GLIS3: variants seen among roughly 807,000 people sequenced by gnomAD.
GLIS3 encodes GLIS family zinc finger 3.
Under a neutral mutation model 78.6 loss-of-function variants are expected in GLIS3, and 53 were observed. That is an observed-to-expected ratio of 0.67 (90% CI 0.54 to 0.85). The LOEUF (loss-of-function observed/expected upper bound fraction) is 0.85. GLIS3 is among the 40% of genes least tolerant of loss of function. The probability of loss-of-function intolerance (pLI) is 0.00; values close to 1 mark genes in which losing one functional copy is unlikely to be tolerated. For missense variants in GLIS3, 1,703 were observed against 1,231.1 expected (o/e 1.38, Z -5.74); for synonymous variants, 684 against 509.9 (o/e 1.34, Z -4.60).
chr9:4,490,016 G>C, the GLIS3 span, among the ~76,000 whole-genome samples: 2 of 152,184 alleles, frequency 1.3e-5, no homozygotes, highest in Admixed American at 1.3e-4. Flanking sequence ...AGCCTGAGTA[G>C]CCGAGCAAGA....
At chr9:4,344,457 G>C (rs551456696) in intron 2 of GLIS3, among the ~76,000 whole-genome samples, 1 of 152,118 alleles carries the variant, frequency 6.6e-6, no homozygotes, top group Non-Finnish European at 1.5e-5. Context: ...TTCTGACTTC[G>C]TTATCACGTC....
intron 2 of GLIS3, among the ~76,000 whole-genome samples, chr9:4,266,511 C>G (rs1826021506): frequency 6.6e-6 from 1 of 152,020 alleles, no homozygotes; most frequent in Non-Finnish European, 1.5e-5. Context: ...TCTGTGCACC[C>G]TATTAAGGTA....
the GLIS3 span, among the ~76,000 whole-genome samples, chr9:4,470,296 A>T: frequency 6.6e-6 from 1 of 152,212 alleles, no homozygotes; most frequent in African/African-American, 2.4e-5. Context: ...GCAGAGACAA[A>T]AAAAAGAAAG....
chr9:3,940,852 C>CA (rs2130806859), intron 4 of GLIS3, among the ~76,000 whole-genome samples: 1 of 152,106 alleles, frequency 6.6e-6, no homozygotes, highest in Admixed American at 6.5e-5. Context: ...TATTTTTTCC[C>CA]AAAAAATACT....
intron 4 of GLIS3, among the ~76,000 whole-genome samples, chr9:3,949,893 A>G (rs929578679): frequency 6.6e-6 from 1 of 152,216 alleles, no homozygotes; most frequent in Non-Finnish European, 1.5e-5. Context: ...ACACATGGCT[A>G]TGGATTGTTC....
chr9:4,467,795 G>C, the GLIS3 span, among the ~76,000 whole-genome samples: 2 of 152,090 alleles, frequency 1.3e-5, no homozygotes, highest in African/African-American at 4.8e-5. Context: ...ACTCTGACGA[G>C]TTGAGAGAAG....
intron 2 of GLIS3, among the ~76,000 whole-genome samples, chr9:4,228,084 G>T (rs958130309): frequency 1.3e-5 from 2 of 150,106 alleles, no homozygotes; most frequent in Admixed American, 1.3e-4. Context: ...GGGGCCAGGA[G>T]AATCACACAG....
the GLIS3 span, among the ~76,000 whole-genome samples, chr9:4,464,115 C>T: frequency 6.6e-6 from 1 of 152,074 alleles, no homozygotes; most frequent in African/African-American, 2.4e-5. Flanking sequence ...AAATCACTCC[C>T]TTTTCATTTC....
At chr9:4,465,993 C>T in the GLIS3 span, among the ~76,000 whole-genome samples, 5 of 152,140 alleles carry the variant, frequency 3.3e-5, no homozygotes, top group South Asian at 4.1e-4. Flanking sequence ...AAAAACAATA[C>T]AGAAAATCAA....
chr9:4,172,598 A>G (rs1207969503), intron 2 of GLIS3, among the ~76,000 whole-genome samples: 2 of 152,168 alleles, frequency 1.3e-5, no homozygotes, highest in Non-Finnish European at 2.9e-5. Context: ...ATATTTTTGG[A>G]ATGAATGATA....
chr9:4,112,133 G>A (rs1260137402), intron 4 of GLIS3, among the ~76,000 whole-genome samples: 4 of 152,104 alleles, frequency 2.6e-5, no homozygotes, highest in African/African-American at 9.7e-5. Flanking sequence ...GCAAGGAGGT[G>A]GCAACAATGT....
the GLIS3 span, among the ~76,000 whole-genome samples, chr9:4,443,174 A>G: frequency 6.6e-6 from 1 of 152,186 alleles, no homozygotes; most frequent in South Asian, 2.1e-4. Flanking sequence ...CTCATGGAAC[A>G]TTCTAGAGTC....
intron 2 of GLIS3, among the ~76,000 whole-genome samples, chr9:4,337,791 G>A (rs1158157711): frequency 6.6e-6 from 1 of 152,076 alleles, no homozygotes; most frequent in Non-Finnish European, 1.5e-5. Flanking sequence ...TGTTTACTCA[G>A]TACCAGGCTC....
At chr9:4,193,683 T>C (rs1338917994) in intron 2 of GLIS3, among the ~76,000 whole-genome samples, 3 of 152,212 alleles carry the variant, frequency 2.0e-5, no homozygotes, top group Admixed American at 6.5e-5. Flanking sequence ...CTAGGGAAGA[T>C]GGTGGTGTCC....
chr9:4,358,335 G>A, the GLIS3 span, among the ~76,000 whole-genome samples: 2 of 48,142 alleles, frequency 4.2e-5, no homozygotes, highest in African/African-American at 1.1e-4. Context: ...ACAAAAAAAA[G>A]AGACTAATAC....
At chr9:4,050,052 G>A (rs932566653) in intron 4 of GLIS3, among the ~76,000 whole-genome samples, 1 of 152,108 alleles carries the variant, frequency 6.6e-6, no homozygotes, top group African/African-American at 2.4e-5. Context: ...ATTCCTCAGG[G>A]ATCTAGAACT....
chr9:4,202,072 AG>A (rs1189969824), intron 2 of GLIS3, among the ~76,000 whole-genome samples: 1 of 151,582 alleles, frequency 6.6e-6, no homozygotes, highest in Non-Finnish European at 1.5e-5. Flanking sequence ...CGGGAGACGG[AG>A]GTTGCAGTGA....
intron 8 of GLIS3, among the ~76,000 whole-genome samples, chr9:3,874,460 G>A (rs1395705790): frequency 6.6e-6 from 1 of 152,158 alleles, no homozygotes; most frequent in African/African-American, 2.4e-5. Flanking sequence ...GTGTTTCCCT[G>A]AGTTCTGTGA....
intron 4 of GLIS3, among the ~76,000 whole-genome samples, chr9:4,084,256 A>ACACAC (rs1828812518): frequency 7.6e-6 from 1 of 132,120 alleles, no homozygotes; most frequent in Admixed American, 7.8e-5. Context: ...TCCTCTCTCT[A>ACACAC]ACACACACAC....
Sources: allele counts gnomAD v4.1 joint callset (sites outside exome capture counted in the v4.1 genomes callset), GRCh38; gene constraint gnomAD v4.1.1; transcripts MANE v1.5; gene names NCBI Gene and HGNC (gene_info 2026-07-23, HGNC 2026-07-21).